GALNT6: variants seen among roughly 807,000 people sequenced by gnomAD.
GALNT6 encodes the protein polypeptide N-acetylgalactosaminyltransferase 6, also known as GalNAc transferase 6.
In GALNT6, 51 loss-of-function variants were observed where a neutral mutation model predicts 65.9. That is an observed-to-expected ratio of 0.77 (90% CI 0.62 to 0.98). The LOEUF (loss-of-function observed/expected upper bound fraction) is 0.98. Among genes scored for constraint, GALNT6 ranks in the 50% least tolerant of loss-of-function variants. The pLI is 0.00. For missense variants in GALNT6, 708 were observed against 803.3 expected (o/e 0.88, Z 1.43); for synonymous variants, 323 against 315.1 (o/e 1.02, Z -0.26).
In GALNT6 at chr12:51,354,223, T is replaced by C. The variant is rs752700083; in HGVS notation, c.*156A>G. The C allele has an allele frequency of 1.3e-4, 72 of 538,468 alleles. No homozygotes were observed. The highest frequency in any genetic ancestry group is 4.6e-5 in the Non-Finnish European group (14 of 307,122). 33.4% of individuals were successfully genotyped at this position (538,468 alleles called of 1,614,324 possible). ...TGAAGGAAAGAAAATGGGCCCAATG[T>C]TGTTGCAAGGATTAGGAAGGTCCTG... On this transcript the variant is annotated 3_prime_UTR_variant, in exon 12 of 12. Transcript: ENST00000356317.
intron 2 of GALNT6, among the ~76,000 whole-genome samples, chr12:51,384,927 G>A (rs1947784174): frequency 6.6e-6 from 1 of 152,064 alleles, no homozygotes; most frequent in South Asian, 2.1e-4. Context: ...AGAATAGAAT[G>A]AAAAGAAAAT....
At chr12:51,367,129 T>C (rs551826495) in intron 4 of GALNT6, among the ~76,000 whole-genome samples, 2 of 152,252 alleles carry the variant, frequency 1.3e-5, no homozygotes, top group African/African-American at 4.8e-5. Context: ...TGGGCACGCA[T>C]GCTTGTAATC....
intron 6 of GALNT6, among the ~76,000 whole-genome samples, chr12:51,363,419 G>A (rs1018441218): frequency 6.6e-6 from 1 of 152,116 alleles, no homozygotes; most frequent in Non-Finnish European, 1.5e-5. Context: ...GCAAAATCTG[G>A]CTGCCTGGTT....
chr12:51,358,311 T>C (rs1294176887), intron 8 of GALNT6, 50 bp from the exon 9 acceptor site: 1 of 1,585,636 alleles, frequency 6.3e-7, no homozygotes, highest in African/African-American at 1.4e-5. Flanking sequence ...GTTTTTTTTT[T>C]TTTTTTTAAG....
chr12:51,366,313 T>C (rs566329358), intron 4 of GALNT6, among the ~76,000 whole-genome samples: 6 of 152,184 alleles, frequency 3.9e-5, no homozygotes, highest in Non-Finnish European at 8.8e-5. Flanking sequence ...CACAGCTCCA[T>C]TGCACGGTTG....
intron 6 of GALNT6, among the ~76,000 whole-genome samples, 181 bp from the exon 7 acceptor site, chr12:51,361,019 C>T (rs994168512): frequency 6.6e-6 from 1 of 152,170 alleles, no homozygotes; most frequent in African/African-American, 2.4e-5. Flanking sequence ...GTCCTCTTCC[C>T]CTTCTAGGAC....
intron 2 of GALNT6, chr12:51,382,274 A>C (rs1295746158): frequency 6.6e-6 from 1 of 152,222 alleles, no homozygotes; most frequent in East Asian, 1.9e-4. Context: ...CAAGGATCCT[A>C]CAGTCAATTG....
chr12:51,376,031 T>A (rs1947442090), intron 4 of GALNT6, among the ~76,000 whole-genome samples: 2 of 151,752 alleles, frequency 1.3e-5, no homozygotes, highest in South Asian at 4.2e-4. Context: ...TGGCTAATTA[T>A]TTTTTGTATT....
chr12:51,356,391 G>A (rs1946747691), intron 10 of GALNT6, among the ~76,000 whole-genome samples: 1 of 114,214 alleles, frequency 8.8e-6, no homozygotes, highest in African/African-American at 3.5e-5. Context: ...GCAGGGTCTT[G>A]CTCTGTTGCT....
At chr12:51,381,693 A>G (rs1487745189) in intron 2 of GALNT6, among the ~76,000 whole-genome samples, 1 of 152,204 alleles carries the variant, frequency 6.6e-6, no homozygotes, top group African/African-American at 2.4e-5. Context: ...CCTCATCTAT[A>G]AAGTGGGGGC....
chr12:51,388,310 C>A (rs1947902787), intron 2 of GALNT6, among the ~76,000 whole-genome samples: 1 of 152,224 alleles, frequency 6.6e-6, no homozygotes, highest in Non-Finnish European at 1.5e-5. Flanking sequence ...CTTTCACAAT[C>A]AGGACAGCCG....
At chr12:51,372,201 G>T (rs953294424) in intron 4 of GALNT6, among the ~76,000 whole-genome samples, 1 of 152,102 alleles carries the variant, frequency 6.6e-6, no homozygotes, top group African/African-American at 2.4e-5. Context: ...GGTTTTTCAG[G>T]CAGGTGATTG....
rs1946729967 is a variant in GALNT6, at chr12:51,355,887, C to G, written c.1674G>C (p.Lys558Asn). 1 of 1,613,958 alleles carries G rather than the reference C, an allele frequency of 6.2e-7. No homozygotes were observed. The highest frequency in any genetic ancestry group is 8.5e-7 in the Non-Finnish European group (1 of 1,179,868). ...GACAGCTCCCAAGGCCCAGAGCACCCTTGCTGACATGTAGACACAGCTGCT... is the reference window on the plus strand; with the variant it reads ...GACAGCTCCCAAGGCCCAGAGCACCGTTGCTGACATGTAGACACAGCTGCT... ...IAKQLCLHVS[K>N]GALGLGSCHF... Residue 558 changes from lysine (K) to asparagine (N), a missense_variant, in exon 11 of 12, where the codon AAG becomes AAC. Transcript: ENST00000356317.
chr12:51,368,185 T>A (rs1947172000), intron 4 of GALNT6, among the ~76,000 whole-genome samples: 1 of 151,754 alleles, frequency 6.6e-6, no homozygotes, highest in Non-Finnish European at 1.5e-5. Context: ...GCCAAGGACT[T>A]AATGCACCCG....
chr12:51,386,958 C>T (rs1030700546), intron 2 of GALNT6, among the ~76,000 whole-genome samples: 6 of 152,182 alleles, frequency 3.9e-5, no homozygotes, highest in Non-Finnish European at 7.3e-5. Flanking sequence ...CCCGTAATTA[C>T]ACCTTCAAGA....
At chr12:51,388,387 T>A (rs1170791754) in intron 2 of GALNT6, among the ~76,000 whole-genome samples, 1 of 152,218 alleles carries the variant, frequency 6.6e-6, no homozygotes, top group East Asian at 1.9e-4. Flanking sequence ...GGTTGCTTCC[T>A]GTTTGCTGCT....
chr12:51,359,266 T>G lies in GALNT6; in HGVS notation c.1234A>C (p.Lys412Gln). 1 of 1,614,128 alleles carries G rather than the reference T, an allele frequency of 6.2e-7. No individual in the cohort carries two copies. ...CCCTTGGGGAAGGTGTGGGGGCTCT[T>G]GGTCCGGAACACATGGCCTACGACA... ...CSVVGHVFRT[K>Q]SPHTFPKGTS... The change falls in exon 8 of 12, where the codon AAG becomes CAG. Residue 412 changes from lysine to glutamine, a missense_variant. Transcript: ENST00000356317.
intron 4 of GALNT6, among the ~76,000 whole-genome samples, chr12:51,374,355 G>A (rs957559693): frequency 1.3e-5 from 2 of 152,088 alleles, no homozygotes; most frequent in Non-Finnish European, 2.9e-5. Context: ...TTGTAGAGAT[G>A]GGATTTTGAT....
At chr12:51,385,769 C>T (rs1170342909) in intron 2 of GALNT6, among the ~76,000 whole-genome samples, 4 of 152,134 alleles carry the variant, frequency 2.6e-5, no homozygotes, top group Non-Finnish European at 4.4e-5. Flanking sequence ...GAGGCCATGC[C>T]ATTTCCAGCT....
Sources: gnomAD v4.1 joint callset for allele counts (sites outside exome capture counted in the v4.1 genomes callset) on GRCh38, gnomAD v4.1.1 for gene constraint, MANE v1.5 for transcripts, NCBI Gene and HGNC (gene_info 2026-07-23, HGNC 2026-07-21) for gene names.